Variants in SDK1 observed in about 807,000 individuals in gnomAD.
SDK1 encodes the protein protein sidekick-1.
A neutral mutation model predicts 245.5 loss-of-function variants in SDK1; 157 were observed. That is an observed-to-expected ratio of 0.64 (90% CI 0.56 to 0.73). SDK1 has a LOEUF of 0.73. SDK1 is among the 30% of genes least tolerant of loss of function. The pLI is 0.00. For missense variants in SDK1, 3,583 were observed against 3,002.3 expected (o/e 1.19, Z -4.52); for synonymous variants, 1,647 against 1,278.5 (o/e 1.29, Z -6.15).
At chr7:3,494,042 G>A (rs1781947580) in intron 1 of SDK1, among the ~76,000 whole-genome samples, 1 of 152,128 alleles carries the variant, frequency 6.6e-6, no homozygotes, top group Admixed American at 6.6e-5. Context: ...GTTTTGAAAA[G>A]TCAGATTTTT....
At chr7:3,321,761 CCCTTCCTTCCTTCCTTCTCCTTCCTT>C (rs1779812429) in intron 1 of SDK1, among the ~76,000 whole-genome samples, 10 of 85,626 alleles carry the variant, frequency 1.2e-4, no homozygotes, top group African/African-American at 5.2e-4. Context: ...TCCCCTCCCT[CCCTTCCTTCCTTCCTTCTCCTTCCTT>C]CCTTCCTTCC....
In SDK1 at chr7:4,029,228, T is replaced by G. The variant is rs199637807; in HGVS notation, c.2602+11876T>G. 1.2e-3 allele frequency among the ~76,000 whole-genome samples: 129 copies of G among 112,010 alleles called. 6 individuals are homozygous for G. Among genetic ancestry groups the G allele is most frequent in the Middle Eastern group, 4.6e-3 (1 of 218 alleles). The allele number at this position is 112,010 out of a possible 152,430, so 73.5% of individuals were successfully genotyped here. A position where few individuals can be genotyped will look rare whatever the true frequency, so the allele number is the denominator to read the frequency against. On this transcript the variant is annotated intron_variant, in intron 17 of 44. Coordinates refer to ENST00000404826, the MANE Select transcript of SDK1 (RefSeq NM_152744.4). ...TTTTATTCTTTCTTTTTTTTTTTTT[T>G]TGTGAAGAAGTCTCACTCTGTCATC...
chr7:3,560,563 C>A (rs893894183), intron 1 of SDK1, among the ~76,000 whole-genome samples: 1 of 152,132 alleles, frequency 6.6e-6, no homozygotes, highest in Non-Finnish European at 1.5e-5. Flanking sequence ...ACCTGGATTC[C>A]TGCACTGGGT....
intron 1 of SDK1, among the ~76,000 whole-genome samples, chr7:3,451,761 T>C (rs1780522099): frequency 1.3e-5 from 2 of 152,172 alleles, no homozygotes. Context: ...TCCATTTTGC[T>C]CTCCTTCAAA....
At position 4,026,417 on chromosome 7, in the gene SDK1, A is replaced by G. The variant is rs926379291; in HGVS notation, c.2602+9065A>G. Among the ~76,000 whole-genome samples the G allele has an allele frequency of 6.6e-6, 1 of 152,234 alleles. No homozygotes were observed. The highest frequency in any genetic ancestry group is 1.5e-5 in the Non-Finnish European group (1 of 68,040). On this transcript the variant is annotated intron_variant, in intron 17 of 44. Coordinates refer to ENST00000404826, the MANE Select transcript of SDK1 (RefSeq NM_152744.4). This position sits in a 1 kb window ranked among gnomAD's most constrained non-coding sequence, Gnocchi z 4.1. Reference sequence around the variant, plus strand: ...CTGGTATTTTGTGAATAGAAATAACATCTTGTTCCTAACTGACTTCAGAGT... The same window carrying G: ...CTGGTATTTTGTGAATAGAAATAACGTCTTGTTCCTAACTGACTTCAGAGT...
intron 5 of SDK1, among the ~76,000 whole-genome samples, chr7:3,853,093 C>T (rs139017985): frequency 2.9e-4 from 44 of 152,064 alleles, no homozygotes; most frequent in Admixed American, 2.8e-3. Context: ...TAGTTCTCCA[C>T]GTACGCAGGC....
Position 3,472,256 on chromosome 7 carries a change from G to T in SDK1, c.299-146824G>T, listed in dbSNP as rs201120623. 6.6e-5 allele frequency among the ~76,000 whole-genome samples: 10 copies of T among 152,094 alleles called. No homozygotes were observed. The East Asian group carries it at 1.9e-3, about 29-fold the overall frequency. On this transcript the variant is annotated intron_variant, in intron 1 of 44. Coordinates refer to ENST00000404826, the MANE Select transcript of SDK1 (RefSeq NM_152744.4). ...TTAGCCATAGTGCTTTTATAATTTT[G>T]TAATACCTTTGACTAGCTGGGGAGG...
intron 14 of SDK1, among the ~76,000 whole-genome samples, chr7:4,002,126 A>G (rs963354536): frequency 6.6e-6 from 1 of 152,252 alleles, no homozygotes; most frequent in Admixed American, 6.5e-5. Flanking sequence ...AAAACACTTT[A>G]TATAACCTTT....
At chr7:3,685,026 C>G (rs562103789) in intron 4 of SDK1, among the ~76,000 whole-genome samples, 67 of 152,186 alleles carry the variant, frequency 4.4e-4, no homozygotes, top group Middle Eastern at 3.4e-3. Flanking sequence ...TTGGTATCAT[C>G]AGAATTCATA....
intron 1 of SDK1, among the ~76,000 whole-genome samples, chr7:3,422,681 T>C (rs1218187552): frequency 6.6e-6 from 1 of 152,150 alleles, no homozygotes; most frequent in Non-Finnish European, 1.5e-5. Flanking sequence ...TTTATATGCA[T>C]ATCTAATGAA....
intron 1 of SDK1, among the ~76,000 whole-genome samples, chr7:3,356,577 G>C (rs1780801437): frequency 6.6e-6 from 1 of 152,112 alleles, no homozygotes; most frequent in Non-Finnish European, 1.5e-5. Context: ...TGTGTATTCT[G>C]AAGATAATTT....
chr7:4,199,547 T>G (rs1390263506), intron 35 of SDK1, among the ~76,000 whole-genome samples: 3 of 152,228 alleles, frequency 2.0e-5, no homozygotes, highest in Non-Finnish European at 4.4e-5. Context: ...TTTGTTATCG[T>G]GAGTCTGAAG....
At chr7:4,104,381 C>T (rs1319157115) in intron 22 of SDK1, among the ~76,000 whole-genome samples, 1 of 152,224 alleles carries the variant, frequency 6.6e-6, no homozygotes, top group Non-Finnish European at 1.5e-5. Flanking sequence ...TTTAATAAAC[C>T]TGCTAGGGGC....
At chr7:3,921,517 G>A (rs1323138706) in intron 5 of SDK1, among the ~76,000 whole-genome samples, 2 of 152,140 alleles carry the variant, frequency 1.3e-5, no homozygotes, top group African/African-American at 4.8e-5. Context: ...TTCTAGTTAA[G>A]CTCTTTAGCT....
chr7:3,926,516 A>C (rs1270951375), intron 5 of SDK1, among the ~76,000 whole-genome samples: 1 of 152,090 alleles, frequency 6.6e-6, no homozygotes, highest in African/African-American at 2.4e-5. Flanking sequence ...TCTGGAGTGC[A>C]GTGGTGTGAT....
intron 35 of SDK1, among the ~76,000 whole-genome samples, chr7:4,180,733 G>T (rs1053206348): frequency 2.6e-5 from 4 of 152,218 alleles, no homozygotes; most frequent in Non-Finnish European, 5.9e-5. Flanking sequence ...ATGGTGGAAG[G>T]CGAAGGGGGA....
intron 1 of SDK1, among the ~76,000 whole-genome samples, chr7:3,308,373 C>T (rs1779470197): frequency 6.6e-6 from 1 of 152,110 alleles, no homozygotes; most frequent in Non-Finnish European, 1.5e-5. Context: ...TTGTGCTTAA[C>T]ATAATGTTAT....
chr7:3,668,066 C>T (rs922580577), intron 4 of SDK1, among the ~76,000 whole-genome samples: 1 of 152,120 alleles, frequency 6.6e-6, no homozygotes, highest in Non-Finnish European at 1.5e-5. Context: ...GCTTGCTATA[C>T]CTAACAAAAC....
intron 20 of SDK1, 33 bp from the exon 21 acceptor site, chr7:4,076,965 G>A: frequency 1.9e-6 from 3 of 1,600,600 alleles, no homozygotes; most frequent in Non-Finnish European, 1.7e-6. Context: ...GCCTTCAGGA[G>A]ACCAACACTG....
Sources: gnomAD v4.1 joint callset for allele counts (sites outside exome capture counted in the v4.1 genomes callset) on GRCh38, gnomAD v4.1.1 for gene constraint, Gnocchi (gnomAD v3.1) non-coding constraint, MANE v1.5 for transcripts, NCBI Gene and HGNC (gene_info 2026-07-23, HGNC 2026-07-21) for gene names.